The following EEF1E1 variants were observed in gnomAD, a reference collection of about 807,000 sequenced individuals.
EEF1E1 encodes eukaryotic translation elongation factor 1 epsilon-1.
Under a neutral mutation model 19.9 loss-of-function variants are expected in EEF1E1, and 19 were observed. The ratio of observed to expected loss-of-function variants is 0.95; its 90% CI spans 0.66 to 1.40. The LOEUF is 1.40. Ranked by LOEUF, EEF1E1 falls within the 40% of genes most tolerant of loss-of-function variation. EEF1E1 has a pLI of 0.00. For synonymous variants in EEF1E1, 81 were observed against 80.0 expected (o/e 1.01, Z -0.07); for missense variants, 198 against 202.2 (o/e 0.98, Z 0.13).
chr6:8,088,732 G>C (rs1757936319), intron 3 of EEF1E1, among the ~76,000 whole-genome samples: 1 of 152,172 alleles, frequency 6.6e-6, no homozygotes, highest in African/African-American at 2.4e-5. Flanking sequence ...GTTTGGCCTA[G>C]GAAAAAGGCA....
intron 3 of EEF1E1, among the ~76,000 whole-genome samples, chr6:8,084,799 C>T (rs918044522): frequency 6.6e-6 from 1 of 152,186 alleles, no homozygotes; most frequent in African/African-American, 2.4e-5. Context: ...GCCATGCTCA[C>T]AGCAGCACAG....
intron 3 of EEF1E1, among the ~76,000 whole-genome samples, chr6:8,081,071 TAAC>T (rs1757712167): frequency 6.6e-6 from 1 of 152,252 alleles, no homozygotes; most frequent in Admixed American, 6.5e-5. Flanking sequence ...AAAAGGATAT[TAAC>T]AATAAAATTA....
chr6:8,097,280 T>A lies in EEF1E1; in HGVS notation c.275A>T (p.His92Leu), dbSNP rs1211938144. 1 of 1,614,200 alleles carries A rather than the reference T, an allele frequency of 6.2e-7. No homozygotes were observed. The change falls in exon 2 of 4, where the codon CAC becomes CTC. Residue 92 changes from histidine (H) to leucine (L), a missense_variant. His to Leu is a moderately conservative substitution (Grantham distance 99). Coordinates refer to ENST00000379715, the MANE Select transcript of EEF1E1 (RefSeq NM_004280.5). ...VDGHSSKNDI[H>L]TLLKDLNSYL... ...AAGTCACGATACCTTCAACAGTGTG[T>A]GGATGTCATTTTTACTGGAGTGCCC...
intron 1 of EEF1E1, among the ~76,000 whole-genome samples, chr6:8,098,105 A>G (rs1298637441): frequency 3.3e-5 from 5 of 151,370 alleles, no homozygotes; most frequent in African/African-American, 4.9e-5. Context: ...CTTAGCAATG[A>G]AATAGAAATA....
intron 3 of EEF1E1, among the ~76,000 whole-genome samples, chr6:8,088,015 G>A (rs1411571534): frequency 1.3e-5 from 2 of 152,156 alleles, no homozygotes; most frequent in Admixed American, 1.3e-4. Flanking sequence ...TCTGGACCTC[G>A]TTCCACCACT....
chr6:8,099,999 CT>C (rs1758305171), intron 1 of EEF1E1, among the ~76,000 whole-genome samples: 1 of 152,080 alleles, frequency 6.6e-6, no homozygotes, highest in Non-Finnish European at 1.5e-5. Flanking sequence ...CAGAGAATGC[CT>C]TATTGCTGGC....
At chr6:8,076,393 G>A (rs568738437), downstream of EEF1E1, among the ~76,000 whole-genome samples, 4 of 152,062 alleles carry the variant, frequency 2.6e-5, no homozygotes, top group Non-Finnish European at 5.9e-5. Flanking sequence ...GCTTGATCTC[G>A]GCTCACTGCA....
At chr6:8,075,170 G>C (rs572935443), downstream of EEF1E1, among the ~76,000 whole-genome samples, 158 of 152,282 alleles carry the variant, frequency 1.0e-3, no homozygotes, top group Middle Eastern at 0.014. Context: ...CGAGTGGTTA[G>C]CATGAAAGGT....
At position 8,099,778 on chromosome 6, in the gene EEF1E1, ACACACACACAC is replaced by A. The variant is rs1445198627; in HGVS notation, c.88-2322_88-2312del. 5.9e-3 allele frequency among the ~76,000 whole-genome samples: 752 copies of A among 127,258 alleles called. 22 individuals are homozygous for A. The highest frequency in any genetic ancestry group is 0.011 in the Middle Eastern group (3 of 266). The allele number at this position is 127,258 out of a possible 152,430, so 83.5% of individuals were successfully genotyped here. ...CACACACACACACACACACACACAC[ACACACACACAC>A]ACAAAAAAAAAACAGAACCCTCTAT... is the stretch of plus-strand genomic sequence containing the variant. On this transcript the variant is annotated intron_variant, in intron 1 of 3. Transcript: ENST00000379715.
At chr6:8,090,030 G>A (rs1757973026) in intron 3 of EEF1E1, 156 bp downstream of exon 3, 3 of 462,360 alleles carry the variant, frequency 6.5e-6, no homozygotes, top group East Asian at 7.0e-5. Flanking sequence ...TGTGCACAAC[G>A]TGCAGGTTTG....
At chr6:8,079,313 C>T (rs553895890), downstream of EEF1E1, 6 of 706,732 alleles carry the variant, frequency 8.5e-6, no homozygotes, top group African/African-American at 1.2e-4. Flanking sequence ...ATGTATCTTA[C>T]TCCAGTTTCC....
intron 3 of EEF1E1, 54 bp from the exon 4 acceptor site, chr6:8,080,084 CTGTTAA>C: frequency 6.3e-7 from 1 of 1,577,610 alleles, no homozygotes; most frequent in Non-Finnish European, 8.7e-7. Flanking sequence ...ATAAGCACAA[CTGTTAA>C]TATCACTTAA....
chr6:8,100,395 T>G (rs1240315395), intron 1 of EEF1E1, among the ~76,000 whole-genome samples: 1 of 152,266 alleles, frequency 6.6e-6, no homozygotes, highest in South Asian at 2.1e-4. Flanking sequence ...TTTTGCTCCA[T>G]ATGGAGTCCT....
intron 1 of EEF1E1, among the ~76,000 whole-genome samples, chr6:8,099,066 C>T (rs1301117080): frequency 1.3e-5 from 2 of 152,168 alleles, no homozygotes; most frequent in African/African-American, 2.4e-5. Context: ...TTGGCTTAAA[C>T]GTCCATTTTC....
chr6:8,092,490 T>G (rs892036843), intron 2 of EEF1E1, among the ~76,000 whole-genome samples: 14 of 152,198 alleles, frequency 9.2e-5, no homozygotes, highest in African/African-American at 3.4e-4. Flanking sequence ...TCAGTCATTT[T>G]CAAAATGGTA....
intron 1 of EEF1E1, among the ~76,000 whole-genome samples, chr6:8,097,978 G>A (rs1018180279): frequency 6.6e-6 from 1 of 152,080 alleles, no homozygotes; most frequent in Non-Finnish European, 1.5e-5. Context: ...AAATGTAAAA[G>A]AAAATGGAAA....
intron 3 of EEF1E1, among the ~76,000 whole-genome samples, chr6:8,086,411 T>G (rs571428861): frequency 6.6e-6 from 1 of 152,294 alleles, no homozygotes; most frequent in Admixed American, 6.5e-5. Context: ...AAACCAACTA[T>G]GTAGGAGGCT....
At chr6:8,102,290 G>T in intron 1 of EEF1E1, 145 bp downstream of exon 1, 1 of 984,432 alleles carries the variant, frequency 1.0e-6, no homozygotes, top group Non-Finnish European at 1.4e-6. Flanking sequence ...AGAGGCGCCA[G>T]CCGGCTAGCG....
downstream of EEF1E1, among the ~76,000 whole-genome samples, chr6:8,077,068 C>G (rs573496365): frequency 3.8e-4 from 57 of 151,666 alleles, no homozygotes; most frequent in African/African-American, 1.2e-3. Flanking sequence ...CTCAGCTTCC[C>G]GAGTAGCTGG....
Sources: allele counts gnomAD v4.1 joint callset (sites outside exome capture counted in the v4.1 genomes callset), GRCh38; gene constraint gnomAD v4.1.1; transcripts MANE v1.5; gene names NCBI Gene and HGNC (gene_info 2026-07-23, HGNC 2026-07-21).